The following PRKD1 variants were observed in gnomAD, a reference collection of about 807,000 sequenced individuals.
The protein encoded by PRKD1 is protein kinase D1.
PRKD1 carries 63 observed loss-of-function variants against 95.9 expected under a neutral mutation model. The observed-to-expected ratio is 0.66, with a 90% confidence interval of 0.54 to 0.81. PRKD1 has a LOEUF of 0.81. Among genes scored for constraint, PRKD1 ranks in the 30% least tolerant of loss-of-function variants. The probability of loss-of-function intolerance (pLI) is 0.00; values close to 1 mark genes in which losing one functional copy is unlikely to be tolerated. For synonymous variants in PRKD1, 425 were observed against 423.1 expected, an observed-to-expected ratio of 1.00 and a Z score of -0.05; for missense variants, 1,048 against 1,165.3, an observed-to-expected ratio of 0.90 and a Z score of 1.47.
intron 1 of PRKD1, among the ~76,000 whole-genome samples, chr14:29,901,689 C>G (rs374386981): frequency 6.6e-6 from 1 of 152,116 alleles, no homozygotes; most frequent in Admixed American, 6.5e-5. Context: ...AGTACAACAG[C>G]AACAGCAATA....
At chr14:29,780,714 C>T (rs544809214) in intron 1 of PRKD1, among the ~76,000 whole-genome samples, 5 of 152,170 alleles carry the variant, frequency 3.3e-5, no homozygotes, top group South Asian at 2.1e-4. Context: ...GTTCAACCAT[C>T]GTGGAAGACA....
At chr14:29,701,194 T>C (rs903675099) in intron 2 of PRKD1, among the ~76,000 whole-genome samples, 1 of 152,200 alleles carries the variant, frequency 6.6e-6, no homozygotes, top group African/African-American at 2.4e-5. Context: ...ACTGAGGCTC[T>C]TGAAGTATGA....
At chr14:29,797,148 C>T (rs1396339732) in intron 1 of PRKD1, among the ~76,000 whole-genome samples, 1 of 152,102 alleles carries the variant, frequency 6.6e-6, no homozygotes, top group Non-Finnish European at 1.5e-5. Context: ...GGCACCCTAA[C>T]TACATATCAA....
intron 1 of PRKD1, among the ~76,000 whole-genome samples, chr14:29,899,248 C>A (rs1052602778): frequency 6.6e-6 from 1 of 152,062 alleles, no homozygotes; most frequent in African/African-American, 2.4e-5. Flanking sequence ...TGAAATCATT[C>A]ATGATTTATT....
At chr14:29,794,641 T>TTC (rs948180957) in intron 1 of PRKD1, among the ~76,000 whole-genome samples, 2 of 151,220 alleles carry the variant, frequency 1.3e-5, no homozygotes, top group South Asian at 2.1e-4. Flanking sequence ...CACAGGCTCA[T>TTC]TCTCTCTCTC....
At chr14:29,620,572 A>G (rs28769660) in intron 13 of PRKD1, among the ~76,000 whole-genome samples, 62,530 of 142,496 alleles carry the variant, frequency 0.44, 16,250 homozygotes, top group East Asian at 0.65. Context: ...AACACATGAA[A>G]AAATGCTCAT....
intron 2 of PRKD1, among the ~76,000 whole-genome samples, chr14:29,692,647 A>G (rs1884301604): frequency 6.6e-6 from 1 of 152,066 alleles, no homozygotes; most frequent in Non-Finnish European, 1.5e-5. Flanking sequence ...TACAGGAAAC[A>G]TTATGTACCC....
At chr14:29,707,830 G>A (rs560992111) in intron 2 of PRKD1, among the ~76,000 whole-genome samples, 4 of 152,108 alleles carry the variant, frequency 2.6e-5, no homozygotes, top group Non-Finnish European at 2.9e-5. Context: ...GAATGTTGAT[G>A]TTCCATCCTG....
At chr14:29,595,487 T>C (rs1419466824) in intron 16 of PRKD1, among the ~76,000 whole-genome samples, 1 of 152,228 alleles carries the variant, frequency 6.6e-6, no homozygotes, top group African/African-American at 2.4e-5. Context: ...TCTGATGTTC[T>C]GTCCTCTACT....
intron 1 of PRKD1, among the ~76,000 whole-genome samples, chr14:29,831,929 T>C (rs1891428730): frequency 1.3e-5 from 2 of 152,208 alleles, no homozygotes; most frequent in Non-Finnish European, 2.9e-5. Context: ...TCCATGTTAA[T>C]ACATGTATGT....
At chr14:29,908,177 A>T (rs1894560406) in intron 1 of PRKD1, among the ~76,000 whole-genome samples, 1 of 152,082 alleles carries the variant, frequency 6.6e-6, no homozygotes, top group South Asian at 2.1e-4. Flanking sequence ...TGCACTTTTC[A>T]AACTGAAAAA....
chr14:29,634,875 T>C (rs1880264652), intron 7 of PRKD1, among the ~76,000 whole-genome samples: 1 of 151,708 alleles, frequency 6.6e-6, no homozygotes, highest in Non-Finnish European at 1.5e-5. Flanking sequence ...CTACTAAAAG[T>C]ACAAAAAAAA....
intron 1 of PRKD1, among the ~76,000 whole-genome samples, chr14:29,874,878 T>C (rs1893232310): frequency 6.6e-6 from 1 of 152,102 alleles, no homozygotes; most frequent in Admixed American, 6.6e-5. Context: ...AGAGGGTTTG[T>C]GGTTGGGTGT....
chr14:29,585,047 G>A (rs1330211869), intron 16 of PRKD1, among the ~76,000 whole-genome samples: 1 of 152,030 alleles, frequency 6.6e-6, no homozygotes, highest in Non-Finnish European at 1.5e-5. Context: ...TTGCCTTCAG[G>A]CAAGTGTTTT....
chr14:29,805,855 G>GT (rs45536932), intron 1 of PRKD1, among the ~76,000 whole-genome samples: 170 of 152,324 alleles, frequency 1.1e-3, no homozygotes, highest in African/African-American at 3.9e-3. Context: ...GTAAGTACTT[G>GT]TAAGTTGCCA....
chr14:29,591,725 C>G (rs528812282), intron 16 of PRKD1, among the ~76,000 whole-genome samples: 3 of 152,060 alleles, frequency 2.0e-5, no homozygotes, highest in Non-Finnish European at 4.4e-5. Flanking sequence ...TGAGTAATAG[C>G]TAGTTTTTAC....
intron 1 of PRKD1, among the ~76,000 whole-genome samples, chr14:29,835,773 G>A (rs1187117693): frequency 2.0e-5 from 3 of 151,994 alleles, no homozygotes; most frequent in Non-Finnish European, 2.9e-5. Context: ...GTTTCACCAC[G>A]TTGGTCAAGC....
At chr14:29,650,993 A>T (rs1881458363) in intron 4 of PRKD1, among the ~76,000 whole-genome samples, 1 of 152,196 alleles carries the variant, frequency 6.6e-6, no homozygotes, top group Non-Finnish European at 1.5e-5. Flanking sequence ...TTTCATAAGG[A>T]CAATCAATTC....
intron 2 of PRKD1, among the ~76,000 whole-genome samples, chr14:29,688,660 G>C (rs1884024736): frequency 6.6e-6 from 1 of 152,120 alleles, no homozygotes; most frequent in African/African-American, 2.4e-5. Flanking sequence ...CCCGAGGCAT[G>C]ATGGTTCGTC....
Sources: allele counts gnomAD v4.1 joint callset (sites outside exome capture counted in the v4.1 genomes callset), GRCh38; gene constraint gnomAD v4.1.1; transcripts MANE v1.5; gene names NCBI Gene and HGNC (gene_info 2026-07-23, HGNC 2026-07-21).